The following MBD4 variants were observed in gnomAD, a reference collection of about 807,000 sequenced individuals.
MBD4 encodes methyl-CpG binding domain 4, DNA glycosylase, also known as methyl-CpG-binding domain protein 4.
Under a neutral mutation model 60.2 loss-of-function variants are expected in MBD4, and 53 were observed. The observed-to-expected ratio is 0.88, with a 90% CI of 0.71 to 1.11. The LOEUF (loss-of-function observed/expected upper bound fraction) is 1.11, where lower values mean the gene tolerates loss of function less well. Ranked by LOEUF, MBD4 falls within the 50% of genes least tolerant of loss-of-function variation. MBD4 has a pLI of 0.00. For synonymous variants in MBD4, 231 were observed against 229.8 expected (o/e 1.01, Z -0.05); for missense variants, 619 against 674.0 (o/e 0.92, Z 0.90).
chr3:129,436,898 C>G lies in MBD4; in HGVS notation c.746G>C (p.Gly249Ala), dbSNP rs532175978. Reference sequence around the variant, plus strand: ...AAAACCTGAACAGCTCTTCCTACATCCTTTTTTAGTTTTCTTAATTGGGAT... The same window carrying G: ...AAAACCTGAACAGCTCTTCCTACATGCTTTTTTAGTTTTCTTAATTGGGAT... The part of the protein sequence containing the change: ...KGIPIKKTKK[G>A]CRKSCSGFVQ... Residue 249 changes from glycine (G) to alanine (A), a missense_variant, in exon 3 of 8, where the codon GGA (glycine) becomes GCA (alanine). By Grantham distance (60) the Gly-to-Ala change is moderately conservative. Coordinates refer to ENST00000429544, the MANE Select transcript of MBD4 (RefSeq NM_001276270.2). 1.6e-5 allele frequency: 26 copies of G among 1,614,142 alleles called. No individual in the cohort carries two copies. In the Middle Eastern group the frequency reaches 6.6e-4, roughly 41 times the overall value.
At position 129,436,801 on chromosome 3, in the gene MBD4, T is replaced by C; in HGVS notation, c.843A>G (p.Lys281=). The C allele has an allele frequency of 1.2e-6, 2 of 1,614,192 alleles. No individual in the cohort carries two copies. Among genetic ancestry groups the C allele is most frequent in the Non-Finnish European group, 1.7e-6 (2 of 1,180,028 alleles). The change falls in exon 3 of 8, where the codon AAA becomes AAG. Residue 281 remains lysine (K), a synonymous_variant. Transcript: ENST00000429544. The part of the protein sequence containing the change: ...ADAESEPVAQ[K]SQLDRTVCIS... The stretch of plus-strand genomic sequence containing the variant: ...TGCAGACAGTTCTATCAAGCTGACT[T>C]TTTTGTGCAACAGGTTCACTTTCAG...
In MBD4 at chr3:129,436,723, GTTTTC is replaced by G; in HGVS notation, c.916_920del (p.Glu306GlnfsTer19). The G allele has an allele frequency of 6.2e-7, 1 of 1,613,630 alleles. No individual in the cohort carries two copies. Among genetic ancestry groups the G allele is most frequent in the South Asian group, 1.1e-5 (1 of 91,068 alleles). ...ATCTTTCTTTTTTTTTTACAAGGCT[GTTTTC>G]TTCACTGGTCACACTGAGGGTCTCA... On this transcript the variant is annotated frameshift_variant, in exon 3 of 8. Transcript: ENST00000429544. LOFTEE classifies it high-confidence loss of function.
chr3:129,434,090 C>T lies in MBD4; in HGVS notation c.1230G>A (p.Leu410=), dbSNP rs2072409946. 6.2e-7 allele frequency: 1 copy of T among 1,613,980 alleles called. No homozygotes were observed. Among genetic ancestry groups the T allele is most frequent in the African/African-American group, 1.3e-5 (1 of 74,908 alleles). Residue 410 remains leucine (L), a synonymous_variant, in exon 4 of 8, where the codon CTG becomes CTA. Coordinates refer to ENST00000429544, the MANE Select transcript of MBD4 (RefSeq NM_001276270.2). ...CTTTGTTATATTTGCTGGAAAAATA[C>T]AGGCTTGTTTTCCTTCTTTCTATCT... ...RTQIERRKTS[L]YFSSKYNKEA...
chr3:129,436,999 T>C lies in MBD4; in HGVS notation c.645A>G (p.Lys215=). The C allele has an allele frequency of 6.2e-7, 1 of 1,614,208 alleles. No homozygotes were observed. The highest frequency in any genetic ancestry group is 8.5e-7 in the Non-Finnish European group (1 of 1,180,042). ...SNFTSTHLLL[K]EDEGVDDVNF... is the part of the protein sequence containing the mutation. ...TAACATCATCAACACCCTCATCTTC[T>C]TTCAAAAGCAAATGAGTGGAAGTAA... Residue 215 remains lysine (K), a synonymous_variant, in exon 3 of 8, where the codon AAA becomes AAG. Coordinates refer to ENST00000429544, the MANE Select transcript of MBD4 (RefSeq NM_001276270.2).
Position 129,439,906 on chromosome 3 carries a change from A to C in MBD4, c.-73T>G. On this transcript the variant is annotated 5_prime_UTR_variant, in exon 1 of 8. Transcript: ENST00000429544. The stretch of plus-strand genomic sequence containing the variant: ...GGTGTGGGGCGGAGTAAGATGTGAA[A>C]CCTCTTCAGCTCACGGCACCGGGCT... The C allele has an allele frequency of 9.3e-7, 1 of 1,073,174 alleles. No individual in the cohort carries two copies. The allele number at this position is 1,073,174 out of a possible 1,614,324, so 66.5% of individuals were successfully genotyped here.
At chr3:129,433,488 G>A (rs2072395824) in intron 5 of MBD4, 3 of 600,612 alleles carry the variant, frequency 5.0e-6, no homozygotes, top group Non-Finnish European at 8.8e-6. Context: ...TGCATGATTA[G>A]CTTTTAAATG....
At chr3:129,435,276 A>AACTTTTTCTGTGGGCTCCTATGAATAATT (rs2072436433) in intron 3 of MBD4, among the ~76,000 whole-genome samples, 1 of 152,004 alleles carries the variant, frequency 6.6e-6, no homozygotes, top group East Asian at 1.9e-4. Flanking sequence ...CTGATTTGAC[A>AACTTTTTCTGTGGGCTCCTATGAATAATT]ACTTTTTCTG....
Position 129,433,026 on chromosome 3 carries a change from A to G in MBD4, c.1543+72T>C, listed in dbSNP as rs1267765539. On this transcript the variant is annotated intron_variant, in intron 6 of 7. Coordinates refer to ENST00000429544, the MANE Select transcript of MBD4 (RefSeq NM_001276270.2). ...CATTAATATAGTATCTGAGAACATT[A>G]AAGTTTAAGGTGTGGCTCTCTTAAA... 4.5e-6 allele frequency: 7 copies of G among 1,572,250 alleles called. No homozygotes were observed. The Admixed American group carries it at 1.0e-4, about 23-fold the overall frequency.
In MBD4 at chr3:129,437,161, T is replaced by G. The variant is rs142605003; in HGVS notation, c.483A>C (p.Ala161=). 1 of 1,614,100 alleles carries G rather than the reference T, an allele frequency of 6.2e-7. No individual in the cohort carries two copies. ...GGTTTTGTAGATGGGATGTCAGGGCTGCCATGCTGCAGTCTTTATATCTTG... is the reference window on the plus strand; with the variant it reads ...GGTTTTGTAGATGGGATGTCAGGGCGGCCATGCTGCAGTCTTTATATCTTG... ...IKSRYKDCSM[A]ALTSHLQNQS... Residue 161 remains alanine (A), a synonymous_variant, in exon 3 of 8, where the codon GCA becomes GCC. Coordinates refer to ENST00000429544, the MANE Select transcript of MBD4 (RefSeq NM_001276270.2).
In MBD4 at chr3:129,439,750, T is replaced by C. The variant is rs780884643; in HGVS notation, c.84A>G (p.Pro28=). The change falls in exon 1 of 8, where the codon CCA becomes CCG. Residue 28 remains proline (P), a synonymous_variant. Transcript: ENST00000429544. ...CTTACCGGAGGTCATTCGGCGGGTC[T>C]GGGACTAGGCGCTCACTAGAGGTGA... ...PTVTSSERLV[P]DPPNDLRKED... 38 of 1,597,580 alleles carry C rather than the reference T, an allele frequency of 2.4e-5. No homozygotes were observed. The East Asian group carries it at 4.1e-4, about 17-fold the overall frequency.
At chr3:129,438,761 A>C (rs73202295) in intron 1 of MBD4, among the ~76,000 whole-genome samples, 13,094 of 150,818 alleles carry the variant, frequency 0.087, 628 homozygotes, top group South Asian at 0.13. Context: ...GAAAAAAAAA[A>C]CCCAAAAAAA....
Position 129,433,969 on chromosome 3 carries a change from C to T in MBD4, c.1274G>A (p.Arg425Gln), listed in dbSNP as rs373218090. The T allele has an allele frequency of 2.6e-5, 42 of 1,613,990 alleles. No homozygotes were observed. Among genetic ancestry groups the T allele is most frequent in the Admixed American group, 3.3e-5 (2 of 60,002 alleles). ...KYNKEALSPPRRKAFKKWTPP... is the reference protein window; with the variant it reads ...KYNKEALSPPQRKAFKKWTPP... ...TGTCCATTTCTTAAAGGCTTTACGT[C>T]GTGGGGGGCTAAGAGCTAAACAAAC... The change falls in exon 5 of 8, where the codon CGA (arginine) becomes CAA (glutamine). Residue 425 changes from arginine (R) to glutamine (Q), a missense_variant. Arg to Gln is a conservative substitution (Grantham distance 43, BLOSUM62 1). Coordinates refer to ENST00000429544, the MANE Select transcript of MBD4 (RefSeq NM_001276270.2).
intron 1 of MBD4, among the ~76,000 whole-genome samples, chr3:129,438,751 G>GA (rs72010084): frequency 0.077 from 10,964 of 143,126 alleles, 1,045 homozygotes; most frequent in East Asian, 0.41. Flanking sequence ...TGCAAAAAAT[G>GA]AAAAAAAAAA....
Position 129,432,555 on chromosome 3 carries a change from C to T in MBD4, c.1595G>A (p.Gly532Asp), listed in dbSNP as rs202021161. ...TCGGTAAGAGTCGTTGCCATATTTA[C>T]CAATCCCATGAAGCTCAATTGGATA... is the stretch of plus-strand genomic sequence containing the variant. ...WKYPIELHGI[G>D]KYGNDSYRIF... The change falls in exon 7 of 8, where the codon GGT (glycine) becomes GAT (aspartate). Residue 532 changes from glycine (G) to aspartate (D), a missense_variant. By Grantham distance (94) the Gly-to-Asp change is moderately conservative. Transcript: ENST00000429544. 9 of 1,613,978 alleles carry T rather than the reference C, an allele frequency of 5.6e-6. No individual in the cohort carries two copies. The highest frequency in any genetic ancestry group is 5.1e-6 in the Non-Finnish European group (6 of 1,179,956).
chr3:129,433,815 C>A (rs778025704), intron 5 of MBD4, 35 bp downstream of exon 5: 18 of 1,613,522 alleles, frequency 1.1e-5, no homozygotes, highest in Non-Finnish European at 3.4e-6. Context: ...ACCACACTGT[C>A]TCTACTAAGA....
At chr3:129,439,659 C>A (rs2072682127) in intron 1 of MBD4, 71 bp downstream of exon 1, 2 of 986,824 alleles carry the variant, frequency 2.0e-6, no homozygotes, top group Non-Finnish European at 3.2e-6. Context: ...GAAAGGCCCA[C>A]ACACTGTCCA....
intron 3 of MBD4, among the ~76,000 whole-genome samples, chr3:129,435,813 GA>G (rs2072447978): frequency 6.6e-6 from 1 of 152,090 alleles, no homozygotes; most frequent in Non-Finnish European, 1.5e-5. Context: ...GTATTATAAA[GA>G]CAAAACTGCT....
In MBD4 at chr3:129,433,264, A is replaced by G; in HGVS notation, c.1394-17T>C. The G allele has an allele frequency of 6.2e-7, 1 of 1,613,978 alleles. No homozygotes were observed. The highest frequency in any genetic ancestry group is 8.5e-7 in the Non-Finnish European group (1 of 1,179,850). ...CCATTTTGCCTGGGAAGTAAAAGTA[A>G]CTGAATGATTACAAGACTCCAGGTG... On this transcript the variant is annotated splice_polypyrimidine_tract_variant and intron_variant, in intron 5 of 7. Coordinates refer to ENST00000429544, the MANE Select transcript of MBD4 (RefSeq NM_001276270.2).
rs1256280300 is a variant in MBD4, at chr3:129,437,127, T to C, written c.517A>G (p.Asn173Asp). Residue 173 changes from asparagine (N) to aspartate (D), a missense_variant, in exon 3 of 8, where the codon AAT (asparagine) becomes GAT (aspartate). Coordinates refer to ENST00000429544, the MANE Select transcript of MBD4 (RefSeq NM_001276270.2). ...CGGGTCCTGAGGTTCCAGTTTGAAT[T>C]GTTACTTTGGTTTTGTAGATGGGAT... ...LTSHLQNQSN[N>D]SNWNLRTRSK... 2 of 1,614,012 alleles carry C rather than the reference T, an allele frequency of 1.2e-6. No individual in the cohort carries two copies. The highest frequency in any genetic ancestry group is 3.3e-5 in the Admixed American group (2 of 60,012).
Sources: gnomAD v4.1 joint callset for allele counts (sites outside exome capture counted in the v4.1 genomes callset) on GRCh38, gnomAD v4.1.1 for gene constraint, MANE v1.5 for transcripts, NCBI Gene and HGNC (gene_info 2026-07-23, HGNC 2026-07-21) for gene names.